MCF2L: variants seen among roughly 807,000 people sequenced by gnomAD.
MCF2L encodes guanine nucleotide exchange factor DBS.
Under a neutral mutation model 153.4 loss-of-function variants are expected in MCF2L, and 97 were observed. The observed-to-expected ratio is 0.63, with a 90% CI of 0.54 to 0.75. The LOEUF (loss-of-function observed/expected upper bound fraction) is 0.75, where lower values mean the gene tolerates loss of function less well. MCF2L is among the 30% of genes least tolerant of loss of function. The pLI, the probability that MCF2L is intolerant of heterozygous loss-of-function variation, is 0.00. For synonymous variants in MCF2L, 659 were observed against 632.2 expected (o/e 1.04, Z -0.64); for missense variants, 1,347 against 1,495.2 (o/e 0.90, Z 1.64).
Position 112,907,371 on chromosome 13 carries a change from G to T in MCF2L, c.169+5000G>T, listed in dbSNP as rs896278622. ...GAAATTGGCTTTTTGGCTATCCACA[G>T]TGTTTCTGGCATGGGTCATAGTCGT... On this transcript the variant is annotated intron_variant, in intron 2 of 29. Coordinates refer to the MCF2L transcript ENST00000375608. This position sits in a 1 kb window ranked among gnomAD's most constrained non-coding sequence, Gnocchi z 5.1. Among the ~76,000 whole-genome samples, 9 of 152,208 alleles carry T rather than the reference G, an allele frequency of 5.9e-5. No individual in the cohort carries two copies. The highest frequency in any genetic ancestry group is 1.3e-4 in the Non-Finnish European group (9 of 68,046).
At chr13:112,902,050 G>T in intron 1 of MCF2L, 1 of 637,448 alleles carries the variant, frequency 1.6e-6, no homozygotes, top group Non-Finnish European at 2.7e-6. Flanking sequence ...GACCGGAGAA[G>T]AATGAATTTA....
chr13:112,961,308 G>A (rs974489387), intron 2 of MCF2L, among the ~76,000 whole-genome samples: 2 of 152,228 alleles, frequency 1.3e-5, no homozygotes. Context: ...TGAAAGTGTC[G>A]AGTGATCTTT....
intron 1 of MCF2L, among the ~76,000 whole-genome samples, chr13:112,978,252 A>G (rs546696063): frequency 8.5e-4 from 129 of 152,266 alleles, no homozygotes; most frequent in Non-Finnish European, 1.5e-3. Context: ...TGAGACATCG[A>G]TCCCATCACC....
rs776515265 is a variant in MCF2L, at chr13:113,064,922, T to C, written c.607-14T>C. On this transcript the variant is annotated splice_polypyrimidine_tract_variant and intron_variant, in intron 6 of 29. Coordinates refer to ENST00000535094, the MANE Select transcript of MCF2L (RefSeq NM_001112732.3). This position sits in a 1 kb window ranked among gnomAD's most constrained non-coding sequence, Gnocchi z 6.0. ...GTGCACAAGGCATGCAATTGTGTTT[T>C]CTCTGTCCCCAAGGCCATCGAAAGT... The C allele has an allele frequency of 3.7e-6, 6 of 1,608,530 alleles. No homozygotes were observed. In the South Asian group the frequency reaches 4.4e-5, roughly 12 times the overall value.
intron 3 of MCF2L, among the ~76,000 whole-genome samples, chr13:113,029,611 C>G (rs566714757): frequency 2.0e-4 from 30 of 152,334 alleles, no homozygotes; most frequent in Middle Eastern, 3.4e-3. Context: ...GGTGCTGTGT[C>G]CCCGGGAAGT....
At chr13:112,994,927 A>T (rs1351172004) in intron 1 of MCF2L, among the ~76,000 whole-genome samples, 1 of 152,214 alleles carries the variant, frequency 6.6e-6, no homozygotes, top group Non-Finnish European at 1.5e-5. Context: ...TTATCGCCCA[A>T]AAAGGGGAAC....
chr13:112,916,565 C>T (rs963972892), intron 2 of MCF2L, among the ~76,000 whole-genome samples: 3 of 152,186 alleles, frequency 2.0e-5, no homozygotes, highest in Non-Finnish European at 4.4e-5. Flanking sequence ...TGTCCTCTGA[C>T]TTCCTTGCAC....
chr13:112,998,672 C>T (rs551748427), intron 1 of MCF2L, among the ~76,000 whole-genome samples: 47 of 152,158 alleles, frequency 3.1e-4, no homozygotes, highest in Non-Finnish European at 6.3e-4. Flanking sequence ...ACTGCGCTCC[C>T]GATCCCAGGT....
intron 20 of MCF2L, among the ~76,000 whole-genome samples, chr13:113,085,517 A>T (rs2034547547): frequency 1.3e-5 from 2 of 152,182 alleles, no homozygotes; most frequent in Non-Finnish European, 2.9e-5. Context: ...TAGACTGGGG[A>T]TTCCAGCTAT....
chr13:113,095,714 G>C (rs553262853), intron 27 of MCF2L: 7 of 992,626 alleles, frequency 7.1e-6, no homozygotes, highest in African/African-American at 1.7e-5. Flanking sequence ...CCCTGCAGCC[G>C]GCAGCACCCC....
In MCF2L at chr13:112,969,379, G is replaced by A. The variant is rs1418337259; in HGVS notation, c.-1G>A. ...CAGGATCATTTTTGTTGTGTCGGAG[G>A]ATGAGGTTTTGGCTGAGGACTGAAG... On this transcript the variant is annotated 5_prime_UTR_variant, in exon 1 of 30. Transcript: ENST00000535094. The surrounding 1 kb of genome is among the most constrained non-coding windows in gnomAD (Gnocchi z 4.8). 9 of 1,550,218 alleles carry A rather than the reference G, an allele frequency of 5.8e-6. No individual in the cohort carries two copies. The highest frequency in any genetic ancestry group is 1.2e-5 in the South Asian group (1 of 84,044).
Position 113,096,622 on chromosome 13 carries a change from G to A in MCF2L, c.3261G>A (p.Pro1087=). 6.3e-7 allele frequency: 1 copy of A among 1,594,358 alleles called. No individual in the cohort carries two copies. Among genetic ancestry groups the A allele is most frequent in the Non-Finnish European group, 8.5e-7 (1 of 1,175,954 alleles). Residue 1087 remains proline, a synonymous_variant, in exon 29 of 30, where the codon CCG becomes CCA. Transcript: ENST00000535094. ...GCAGCCTGTCCGTCCGGCTCGGCCC[G>A]TCCGGCTCGGCCCAGTGCCTGAGCA... ...PASSLSVRLG[P]SGSAQCLSSS... is the part of the protein sequence containing the mutation.
At chr13:113,078,592 T>C in intron 14 of MCF2L, 74 bp from the exon 15 acceptor site, 1 of 1,462,954 alleles carries the variant, frequency 6.8e-7, no homozygotes, top group Non-Finnish European at 9.5e-7. Context: ...CGGGAACTGG[T>C]GGGCTCTGGC....
intron 1 of MCF2L, chr13:112,979,864 G>A: frequency 2.8e-6 from 3 of 1,053,752 alleles, no homozygotes; most frequent in Non-Finnish European, 4.0e-6. Flanking sequence ...CTCACCACTT[G>A]ACCAGCAAAA....
chr13:112,956,189 G>A (rs547909607), intron 2 of MCF2L: 1 of 157,414 alleles, frequency 6.4e-6, no homozygotes, highest in African/African-American at 2.4e-5. Context: ...CTGGGCGCAG[G>A]CACGGGAGTG....
intron 2 of MCF2L, among the ~76,000 whole-genome samples, chr13:112,963,370 G>A (rs922818897): frequency 1.3e-5 from 2 of 152,216 alleles, no homozygotes; most frequent in Non-Finnish European, 1.5e-5. Flanking sequence ...GCATCAGAGC[G>A]GGTGGAGGGT....
In MCF2L at chr13:113,077,181, G is replaced by C; in HGVS notation, c.1630G>C (p.Ala544Pro). The change falls in exon 13 of 30, where the codon GCA (alanine) becomes CCA (proline). Residue 544 changes from alanine to proline, a missense_variant. Transcript: ENST00000535094. ...PVQPVAPRPEALAKSPCPSPG... is the reference protein window; with the variant it reads ...PVQPVAPRPEPLAKSPCPSPG... Reference sequence around the variant, plus strand: ...GCAGCCGGTGGCCCCCAGACCCGAGGCACTGGCAAAGTCGCCCTGCCCCTC... The same window carrying C: ...GCAGCCGGTGGCCCCCAGACCCGAGCCACTGGCAAAGTCGCCCTGCCCCTC... 7 of 1,603,596 alleles carry C rather than the reference G, an allele frequency of 4.4e-6. No homozygotes were observed. Among genetic ancestry groups the C allele is most frequent in the Non-Finnish European group, 6.0e-6 (7 of 1,174,788 alleles).
Position 113,078,717 on chromosome 13 carries a change from G to A in MCF2L, c.1786G>A (p.Glu596Lys). Residue 596 changes from glutamate to lysine, a missense_variant, in exon 15 of 30, where the codon GAA becomes AAA. Around this residue, in one of 3 missense-constraint regions of MCF2L, gnomAD observed 820 missense variants for 921.2 expected, o/e 0.89. Transcript: ENST00000535094. The part of the protein sequence containing the change: ...QGRGSAGEEE[E>K]SLAILRRHVM... ...CCGCGGCTCAGCGGGGGAGGAGGAG[G>A]AAAGCCTGGCCATCCTGCGCAGGTG... 1.2e-6 allele frequency: 2 copies of A among 1,607,454 alleles called. No individual in the cohort carries two copies. The highest frequency in any genetic ancestry group is 1.7e-6 in the Non-Finnish European group (2 of 1,179,162).
chr13:112,909,359 C>T (rs77922011), intron 2 of MCF2L: 22,953 of 774,448 alleles, frequency 0.03, 494 homozygotes, highest in South Asian at 0.042. Context: ...CCGGCCTCCC[C>T]GCCCAGCATG....
Sources: allele counts gnomAD v4.1 joint callset (sites outside exome capture counted in the v4.1 genomes callset), GRCh38; gene constraint gnomAD v4.1.1; regional missense constraint gnomAD v4.1.1; non-coding constraint Gnocchi (gnomAD v3.1); transcripts MANE v1.5; gene names NCBI Gene and HGNC (gene_info 2026-07-23, HGNC 2026-07-21).